Variants in PIP4K2A observed in about 807,000 individuals in gnomAD.
PIP4K2A encodes phosphatidylinositol 5-phosphate 4-kinase type-2 alpha.
A neutral mutation model predicts 42.9 loss-of-function variants in PIP4K2A; 14 were observed. The ratio of observed to expected loss-of-function variants is 0.33; its 90% CI spans 0.22 to 0.51. The LOEUF (loss-of-function observed/expected upper bound fraction) is 0.51. Among genes scored for constraint, PIP4K2A ranks in the 20% least tolerant of loss-of-function variants. PIP4K2A has a pLI of 0.97. For missense variants in PIP4K2A, 434 were observed against 519.8 expected, an observed-to-expected ratio of 0.83 and a Z score of 1.61; for synonymous variants, 192 against 192.2, an observed-to-expected ratio of 1.00 and a Z score of 0.01.
chr10:22,612,541 G>A (rs758704209), intron 1 of PIP4K2A, among the ~76,000 whole-genome samples: 7 of 152,184 alleles, frequency 4.6e-5, no homozygotes, highest in Non-Finnish European at 7.3e-5. Flanking sequence ...CAGGAGCACC[G>A]GGAAGCGGCT....
At chr10:22,606,364 T>C (rs1029378831) in intron 3 of PIP4K2A, among the ~76,000 whole-genome samples, 2 of 152,122 alleles carry the variant, frequency 1.3e-5, no homozygotes, top group African/African-American at 4.8e-5. Context: ...GCAGTTTTAA[T>C]AGCAGATGAG....
intron 3 of PIP4K2A, among the ~76,000 whole-genome samples, chr10:22,598,126 G>A (rs1837673583): frequency 6.6e-6 from 1 of 152,208 alleles, no homozygotes; most frequent in African/African-American, 2.4e-5. Context: ...TGGAGGCTGA[G>A]GTGGGAAGAT....
chr10:22,643,827 C>T (rs1588681738), intron 1 of PIP4K2A, among the ~76,000 whole-genome samples: 1 of 152,160 alleles, frequency 6.6e-6, no homozygotes, highest in East Asian at 1.9e-4. Context: ...CCCTCCTCCT[C>T]CCTGAAGCGG....
Position 22,589,352 on chromosome 10 carries a change from C to G in PIP4K2A, c.492+2277G>C, listed in dbSNP as rs78513586. 1.8e-3 allele frequency among the ~76,000 whole-genome samples: 271 copies of G among 152,316 alleles called. 1 individual carries two copies. Among genetic ancestry groups the G allele is most frequent in the African/African-American group, 6.4e-3 (267 of 41,576 alleles). ...ATTCAATTCATTCAGATAACAGAGC[C>G]TCATGTCTTCCCCCTCACAGGTAGC... On this transcript the variant is annotated intron_variant, in intron 4 of 9. Transcript: ENST00000376573.
At chr10:22,566,241 C>T (rs967537281) in intron 6 of PIP4K2A, among the ~76,000 whole-genome samples, 1 of 152,110 alleles carries the variant, frequency 6.6e-6, no homozygotes, top group Non-Finnish European at 1.5e-5. Flanking sequence ...CCCTGGACGC[C>T]CAGCTTTAAA....
chr10:22,536,977 CA>C lies in PIP4K2A; in HGVS notation c.*223del. 2.3e-6 allele frequency: 1 copy of C among 439,590 alleles called. No individual in the cohort carries two copies. Among genetic ancestry groups the C allele is most frequent in the Non-Finnish European group, 4.1e-6 (1 of 244,122 alleles). 27.2% of individuals were successfully genotyped at this position (439,590 alleles called of 1,614,324 possible). On this transcript the variant is annotated 3_prime_UTR_variant, in exon 10 of 10. Transcript: ENST00000376573. Reference sequence around the variant, plus strand: ...CACTCACCCCCCCCCAACACACACACACACACATATACACAAAGTCAGAAAT... The same window carrying C: ...CACTCACCCCCCCCCAACACACACACCACACATATACACAAAGTCAGAAAT...
chr10:22,708,678 A>G (rs1833861052), intron 1 of PIP4K2A, among the ~76,000 whole-genome samples: 1 of 152,186 alleles, frequency 6.6e-6, no homozygotes, highest in Admixed American at 6.5e-5. Context: ...TTCTACTGCT[A>G]TGTAGCCTGT....
chr10:22,611,291 G>A (rs1423247570), intron 1 of PIP4K2A, among the ~76,000 whole-genome samples: 1 of 152,054 alleles, frequency 6.6e-6, no homozygotes, highest in African/African-American at 2.4e-5. Flanking sequence ...TTAGGAGGCT[G>A]ATGAAGGAAG....
intron 4 of PIP4K2A, among the ~76,000 whole-genome samples, chr10:22,588,310 T>C (rs1680291104): frequency 1.3e-5 from 2 of 151,024 alleles, no homozygotes; most frequent in Non-Finnish European, 2.9e-5. Context: ...TCTCTAACAT[T>C]CTTGTATGTT....
At chr10:22,641,857 T>A (rs759272990) in intron 1 of PIP4K2A, among the ~76,000 whole-genome samples, 43 of 152,150 alleles carry the variant, frequency 2.8e-4, no homozygotes, top group Non-Finnish European at 5.9e-4. Flanking sequence ...ATTCTATATG[T>A]CTGTGACCCT....
intron 1 of PIP4K2A, among the ~76,000 whole-genome samples, chr10:22,697,757 T>TAC (rs151301073): frequency 1.6e-4 from 24 of 150,832 alleles, no homozygotes; most frequent in East Asian, 1.2e-3. Flanking sequence ...AACACACACA[T>TAC]ACACACACAC....
chr10:22,542,448 G>A (rs1192236418), intron 7 of PIP4K2A, among the ~76,000 whole-genome samples: 4 of 152,146 alleles, frequency 2.6e-5, no homozygotes, highest in African/African-American at 7.2e-5. Context: ...AGCTTCCAGC[G>A]GAGTCTCTGG....
rs537707161 is a variant in PIP4K2A, at chr10:22,618,487, G to A, written c.145-8770C>T. Reference sequence around the variant, plus strand: ...TTCTGACTTGTTTTGTCCCTGTCCCGCAAACAGAAGGGCCCTGCAGTTGTG... The same window carrying A: ...TTCTGACTTGTTTTGTCCCTGTCCCACAAACAGAAGGGCCCTGCAGTTGTG... On this transcript the variant is annotated intron_variant, in intron 1 of 9. Coordinates refer to ENST00000376573, the MANE Select transcript of PIP4K2A (RefSeq NM_005028.5). 9.3e-4 allele frequency among the ~76,000 whole-genome samples: 142 copies of A among 152,250 alleles called. 1 individual carries two copies. The Middle Eastern group carries it at 0.02, about 22-fold the overall frequency.
chr10:22,575,161 C>T (rs1350051658), intron 4 of PIP4K2A, among the ~76,000 whole-genome samples: 1 of 152,188 alleles, frequency 6.6e-6, no homozygotes, highest in Non-Finnish European at 1.5e-5. Context: ...ATACTTCACA[C>T]GGTGCTGTGT....
chr10:22,558,798 A>C (rs181774838), intron 6 of PIP4K2A, among the ~76,000 whole-genome samples: 247 of 152,368 alleles, frequency 1.6e-3, no homozygotes, highest in African/African-American at 5.0e-3. Flanking sequence ...ATACCTCAAC[A>C]TACTTGTGAA....
chr10:22,665,303 CTGAATG>C (rs1219443542), intron 1 of PIP4K2A, among the ~76,000 whole-genome samples: 1 of 152,202 alleles, frequency 6.6e-6, no homozygotes, highest in Non-Finnish European at 1.5e-5. Context: ...ATATATTTCT[CTGAATG>C]TGCCTTTTCC....
At chr10:22,549,701 C>T (rs549927730) in intron 7 of PIP4K2A, among the ~76,000 whole-genome samples, 3 of 151,534 alleles carry the variant, frequency 2.0e-5, no homozygotes, top group African/African-American at 4.8e-5. Flanking sequence ...ATTAGCCAGG[C>T]GTGGTGGCGG....
At position 22,550,534 on chromosome 10, in the gene PIP4K2A, C is replaced by G. The variant is rs10047326; in HGVS notation, c.792+125G>C. On this transcript the variant is annotated intron_variant, in intron 7 of 9. Coordinates refer to ENST00000376573, the MANE Select transcript of PIP4K2A (RefSeq NM_005028.5). ...TGAGACACCTTCATGTCTGACTTCCCTAAGGTAGAGTATGCAGGTTTTTGC... is the reference window on the plus strand; with the variant it reads ...TGAGACACCTTCATGTCTGACTTCCGTAAGGTAGAGTATGCAGGTTTTTGC... 6 of 698,538 alleles carry G rather than the reference C, an allele frequency of 8.6e-6. No individual in the cohort carries two copies. The African/African-American group carries it at 1.1e-4, about 13-fold the overall frequency. The allele number at this position is 698,538 out of a possible 1,614,324, so 43.3% of individuals were successfully genotyped here.
At chr10:22,621,605 G>A (rs1392404394) in intron 1 of PIP4K2A, among the ~76,000 whole-genome samples, 2 of 152,184 alleles carry the variant, frequency 1.3e-5, no homozygotes, top group African/African-American at 2.4e-5. Context: ...GAGAAGATGG[G>A]GAGGAGTTTG....
Sources: gnomAD v4.1 joint callset for allele counts (sites outside exome capture counted in the v4.1 genomes callset) on GRCh38, gnomAD v4.1.1 for gene constraint, MANE v1.5 for transcripts, NCBI Gene and HGNC (gene_info 2026-07-23, HGNC 2026-07-21) for gene names.